The following FSIP1 variants were observed in gnomAD, a reference collection of about 807,000 sequenced individuals.
FSIP1 encodes the protein fibrous sheath-interacting protein 1.
Under a neutral mutation model 60.9 loss-of-function variants are expected in FSIP1, and 65 were observed. That is an observed-to-expected ratio of 1.07 (90% CI 0.87 to 1.31). FSIP1 has a LOEUF of 1.31. Among genes scored for constraint, FSIP1 ranks in the 40% most tolerant of loss-of-function variants. FSIP1 has a pLI of 0.00. For synonymous variants in FSIP1, 209 were observed against 221.2 expected, an observed-to-expected ratio of 0.94 and a Z score of 0.49; for missense variants, 675 against 665.5, an observed-to-expected ratio of 1.01 and a Z score of -0.16.
chr15:39,631,065 C>A (rs940036392), intron 10 of FSIP1, among the ~76,000 whole-genome samples: 8 of 152,222 alleles, frequency 5.3e-5, no homozygotes, highest in African/African-American at 1.9e-4. Context: ...CGGGCTGGCA[C>A]CAGGTCCTCC....
At chr15:39,769,187 G>C (rs1433703956) in intron 3 of FSIP1, among the ~76,000 whole-genome samples, 1 of 151,528 alleles carries the variant, frequency 6.6e-6, no homozygotes, top group Admixed American at 6.6e-5. Flanking sequence ...GCTGAGGCAG[G>C]AGAATGGCGT....
At chr15:39,705,130 A>G (rs1028976867) in intron 10 of FSIP1, among the ~76,000 whole-genome samples, 1 of 152,244 alleles carries the variant, frequency 6.6e-6, no homozygotes, top group African/African-American at 2.4e-5. Context: ...TTTTCCTAAC[A>G]ATACTAATAA....
intron 5 of FSIP1, among the ~76,000 whole-genome samples, chr15:39,761,157 G>A (rs1897483639): frequency 6.6e-6 from 1 of 152,144 alleles, no homozygotes; most frequent in African/African-American, 2.4e-5. Context: ...ATGGAAAAGT[G>A]TATGGAGGAT....
At chr15:39,695,263 T>C (rs1481808675) in intron 10 of FSIP1, among the ~76,000 whole-genome samples, 2 of 151,942 alleles carry the variant, frequency 1.3e-5, no homozygotes, top group East Asian at 3.9e-4. Flanking sequence ...TTTGGTGTTC[T>C]CTGTCAGCCT....
chr15:39,637,068 G>T (rs528061428), intron 10 of FSIP1, among the ~76,000 whole-genome samples: 15 of 152,210 alleles, frequency 9.9e-5, no homozygotes, highest in African/African-American at 3.4e-4. Flanking sequence ...GTTCACAGAT[G>T]ATTTATTTGC....
chr15:39,771,979 G>A (rs1214273954), intron 2 of FSIP1, among the ~76,000 whole-genome samples: 1 of 152,094 alleles, frequency 6.6e-6, no homozygotes, highest in Admixed American at 6.5e-5. Context: ...TTTCACATGG[G>A]GGAATAAAGA....
chr15:39,662,731 A>G (rs934929488), intron 10 of FSIP1, among the ~76,000 whole-genome samples: 158 of 152,230 alleles, frequency 1.0e-3, no homozygotes, highest in African/African-American at 3.6e-3. Context: ...AAAAAAAAAA[A>G]AGACTATAAT....
chr15:39,775,021 G>A (rs1479449347), intron 2 of FSIP1, among the ~76,000 whole-genome samples: 3 of 152,016 alleles, frequency 2.0e-5, no homozygotes, highest in Non-Finnish European at 4.4e-5. Context: ...TTTGCAGTGG[G>A]GGAGGTGGAG....
chr15:39,739,564 A>G, intron 7 of FSIP1, 101 bp downstream of exon 7: 3 of 1,088,296 alleles, frequency 2.8e-6, no homozygotes, highest in Admixed American at 2.5e-5. Flanking sequence ...TTATACATTT[A>G]TGATGGTTGA....
At chr15:39,772,763 G>A (rs1300540306) in intron 2 of FSIP1, among the ~76,000 whole-genome samples, 1 of 151,490 alleles carries the variant, frequency 6.6e-6, no homozygotes, top group Non-Finnish European at 1.5e-5. Flanking sequence ...GCTAATTTTT[G>A]TATTTTTAGT....
At chr15:39,605,386 T>C (rs184503077) in intron 11 of FSIP1, among the ~76,000 whole-genome samples, 2 of 152,336 alleles carry the variant, frequency 1.3e-5, no homozygotes, top group South Asian at 4.1e-4. Context: ...TTAGGAATAA[T>C]GCTCTGCAGT....
At chr15:39,752,500 G>A (rs1897193176) in intron 5 of FSIP1, among the ~76,000 whole-genome samples, 1 of 152,024 alleles carries the variant, frequency 6.6e-6, no homozygotes, top group Non-Finnish European at 1.5e-5. Flanking sequence ...ATGATGTAAT[G>A]TAATGAAAAT....
At chr15:39,621,460 G>T (rs1314063873) in intron 10 of FSIP1, among the ~76,000 whole-genome samples, 1 of 152,160 alleles carries the variant, frequency 6.6e-6, no homozygotes, top group Non-Finnish European at 1.5e-5. Flanking sequence ...TAGAACCTGG[G>T]CTTCTATCCA....
At chr15:39,635,111 G>A (rs1595556517) in intron 10 of FSIP1, among the ~76,000 whole-genome samples, 2 of 152,120 alleles carry the variant, frequency 1.3e-5, no homozygotes, top group Admixed American at 6.5e-5. Flanking sequence ...CGAGGCGGGC[G>A]GATCACAAGG....
chr15:39,605,786 A>G lies in FSIP1; in HGVS notation c.1700-4860T>C, dbSNP rs967466110. Among the ~76,000 whole-genome samples the G allele has an allele frequency of 2.0e-5, 3 of 152,296 alleles. No homozygotes were observed. The South Asian group carries it at 6.2e-4, about 32-fold the overall frequency. On this transcript the variant is annotated intron_variant, in intron 11 of 11. Coordinates refer to ENST00000350221, the MANE Select transcript of FSIP1 (RefSeq NM_152597.5). The stretch of plus-strand genomic sequence containing the variant: ...TCAATGTTAAACGCCATGTAAGCCA[A>G]CCAAGTCCAGTCCCAGAGCTAATCA...
intron 10 of FSIP1, among the ~76,000 whole-genome samples, chr15:39,632,258 A>G (rs775623299): frequency 9.9e-5 from 15 of 151,974 alleles, no homozygotes; most frequent in Admixed American, 2.0e-4. Flanking sequence ...GCTCACTACA[A>G]TCTCCACCTG....
At chr15:39,651,744 C>T (rs1271649560) in intron 10 of FSIP1, among the ~76,000 whole-genome samples, 2 of 152,208 alleles carry the variant, frequency 1.3e-5, no homozygotes, top group African/African-American at 2.4e-5. Flanking sequence ...TACCTCACTT[C>T]GATTTGAAAG....
At chr15:39,714,824 A>T (rs61261395) in intron 9 of FSIP1, among the ~76,000 whole-genome samples, 18,769 of 150,632 alleles carry the variant, frequency 0.12, 1,387 homozygotes, top group African/African-American at 0.2. Flanking sequence ...AAATAAAAAA[A>T]TAATTAGCCA....
chr15:39,757,257 G>A (rs17644085), intron 5 of FSIP1, among the ~76,000 whole-genome samples: 2,048 of 152,152 alleles, frequency 0.013, 25 homozygotes, highest in Non-Finnish European at 0.021. Flanking sequence ...AACAGTAGCT[G>A]AGATCTAATG....
Sources: allele counts gnomAD v4.1 joint callset (sites outside exome capture counted in the v4.1 genomes callset), GRCh38; gene constraint gnomAD v4.1.1; transcripts MANE v1.5; gene names NCBI Gene and HGNC (gene_info 2026-07-23, HGNC 2026-07-21).